The following PACRG variants were observed in gnomAD, a reference collection of about 807,000 sequenced individuals.
The protein encoded by PACRG is parkin coregulated gene protein.
PACRG carries 29 observed loss-of-function variants against 29.7 expected under a neutral mutation model. The observed-to-expected ratio is 0.98, with a 90% CI of 0.73 to 1.33. The LOEUF is 1.33. Among genes scored for constraint, PACRG ranks in the 40% most tolerant of loss-of-function variants. The pLI is 0.00. For missense variants in PACRG, 279 were observed against 316.2 expected, an observed-to-expected ratio of 0.88 and a Z score of 0.89; for synonymous variants, 116 against 118.7, an observed-to-expected ratio of 0.98 and a Z score of 0.15.
rs552574776 is a variant in PACRG, at chr6:162,870,703, A to G, written c.291+56422A>G. Among the ~76,000 whole-genome samples the G allele has an allele frequency of 5.3e-5, 8 of 152,324 alleles. No individual in the cohort carries two copies. In the East Asian group the frequency reaches 1.2e-3, roughly 22 times the overall value. On this transcript the variant is annotated intron_variant, in intron 2 of 4. Transcript: ENST00000366888. ...CTTCTAAATGTGCTCTGGTTTATCCATATATTATTGGAAATAAAGCCACCA... is the reference window on the plus strand; with the variant it reads ...CTTCTAAATGTGCTCTGGTTTATCCGTATATTATTGGAAATAAAGCCACCA...
At chr6:163,032,735 T>G (rs999172101) in intron 2 of PACRG, among the ~76,000 whole-genome samples, 1 of 152,242 alleles carries the variant, frequency 6.6e-6, no homozygotes, top group East Asian at 1.9e-4. Flanking sequence ...CAAATGTCAC[T>G]GTTGCATTAG....
intron 4 of PACRG, among the ~76,000 whole-genome samples, chr6:163,180,745 A>G (rs1237400016): frequency 2.0e-5 from 3 of 152,196 alleles, no homozygotes; most frequent in Admixed American, 6.5e-5. Context: ...AAACATGTAG[A>G]GGCCAAAAAG....
intron 1 of PACRG, among the ~76,000 whole-genome samples, chr6:162,731,840 A>G (rs1779794111): frequency 6.6e-6 from 1 of 152,182 alleles, no homozygotes; most frequent in African/African-American, 2.4e-5. Flanking sequence ...TGACCAAATA[A>G]CAATAGCTTA....
intron 2 of PACRG, among the ~76,000 whole-genome samples, chr6:162,873,408 T>G (rs1446128070): frequency 6.6e-6 from 1 of 152,212 alleles, no homozygotes; most frequent in African/African-American, 2.4e-5. Context: ...TTTCATTTAC[T>G]CAACACATAT....
At chr6:163,232,876 C>T (rs992354833) in intron 4 of PACRG, among the ~76,000 whole-genome samples, 2 of 152,170 alleles carry the variant, frequency 1.3e-5, no homozygotes, top group African/African-American at 4.8e-5. Flanking sequence ...CCCCTCCACC[C>T]CTCCTCCAGG....
intron 2 of PACRG, among the ~76,000 whole-genome samples, chr6:162,926,294 GA>G (rs1404758827): frequency 1.3e-5 from 2 of 151,508 alleles, no homozygotes; most frequent in African/African-American, 4.8e-5. Flanking sequence ...CAAAGTATTA[GA>G]AAAAAAACTA....
At chr6:163,158,739 T>C (rs567440179) in intron 4 of PACRG, among the ~76,000 whole-genome samples, 4 of 152,354 alleles carry the variant, frequency 2.6e-5, no homozygotes, top group African/African-American at 9.6e-5. Context: ...GAAATAATAT[T>C]GCACACTGAC....
chr6:163,139,970 C>G (rs1455045525), intron 4 of PACRG, among the ~76,000 whole-genome samples: 7 of 152,138 alleles, frequency 4.6e-5, no homozygotes, highest in African/African-American at 1.4e-4. Flanking sequence ...TTTGCCTATC[C>G]AAGTACTGTC....
chr6:162,745,436 C>T (rs942715730), intron 1 of PACRG, among the ~76,000 whole-genome samples: 6 of 152,046 alleles, frequency 3.9e-5, no homozygotes, highest in East Asian at 3.9e-4. Context: ...CTAATGCATA[C>T]GGGGCTTAAA....
rs376828813 is a variant in PACRG at position 162,814,207 on chromosome 6, C to G, written c.217C>G (p.Arg73Gly). 3 of 1,613,740 alleles carry G rather than the reference C, an allele frequency of 1.9e-6. No homozygotes were observed. The highest frequency in any genetic ancestry group is 2.2e-5 in the East Asian group (1 of 44,854). The part of the protein sequence containing the change: ...KERPTKPTAF[R>G]KFYERGDFPI... ...AAGACCAACCAAGCCCACAGCATTT[C>G]GAAAATTCTATGAGCGAGGTGACTT... The change falls in exon 2 of 5, where the codon CGA becomes GGA. Residue 73 changes from arginine to glycine, a missense_variant. Physicochemically the swap from Arg to Gly is moderately radical, Grantham distance 125. Coordinates refer to ENST00000366888, the MANE Select transcript of PACRG (RefSeq NM_001080379.2).
At chr6:163,306,746 T>G (rs538606895) in intron 4 of PACRG, among the ~76,000 whole-genome samples, 8 of 152,356 alleles carry the variant, frequency 5.3e-5, no homozygotes, top group Admixed American at 2.6e-4. Flanking sequence ...TGACTTACTT[T>G]GAAGAATTAC....
chr6:163,026,157 A>C (rs184341908), intron 2 of PACRG, among the ~76,000 whole-genome samples: 59 of 152,334 alleles, frequency 3.9e-4, no homozygotes, highest in African/African-American at 1.4e-3. Context: ...ACAGCCTTTT[A>C]TAAGAAATCA....
At chr6:162,926,657 A>C (rs573413534) in intron 2 of PACRG, among the ~76,000 whole-genome samples, 3 of 152,208 alleles carry the variant, frequency 2.0e-5, no homozygotes, top group Non-Finnish European at 4.4e-5. Flanking sequence ...AATTAACTCA[A>C]GATGGATTAA....
At chr6:163,195,179 G>A (rs999773376) in intron 4 of PACRG, among the ~76,000 whole-genome samples, 3 of 152,224 alleles carry the variant, frequency 2.0e-5, no homozygotes, top group African/African-American at 2.4e-5. Context: ...AGAAAGCATC[G>A]GGGATGCCTT....
At chr6:163,133,605 G>T (rs1036027125) in intron 4 of PACRG, among the ~76,000 whole-genome samples, 4 of 152,186 alleles carry the variant, frequency 2.6e-5, no homozygotes, top group African/African-American at 9.7e-5. Flanking sequence ...TGTCCACGGA[G>T]TCTGTGCCAC....
chr6:162,795,630 C>A (rs1183587817), intron 1 of PACRG, among the ~76,000 whole-genome samples: 3 of 151,774 alleles, frequency 2.0e-5, no homozygotes, highest in Non-Finnish European at 4.4e-5. Context: ...AAAAGAAAAA[C>A]CTAGTTGTAT....
intron 4 of PACRG, among the ~76,000 whole-genome samples, chr6:163,305,348 G>T (rs551107286): frequency 3.9e-5 from 6 of 152,164 alleles, no homozygotes; most frequent in South Asian, 2.1e-4. Flanking sequence ...TACTTGGAAG[G>T]TTCCTCCTTT....
At chr6:162,765,626 A>G (rs1232506089) in intron 1 of PACRG, among the ~76,000 whole-genome samples, 1 of 151,996 alleles carries the variant, frequency 6.6e-6, no homozygotes, top group Non-Finnish European at 1.5e-5. Context: ...TGTATTTTAG[A>G]TTTTTCTCTT....
intron 1 of PACRG, among the ~76,000 whole-genome samples, chr6:162,788,741 G>T (rs113326969): frequency 3.3e-5 from 5 of 152,120 alleles, no homozygotes; most frequent in African/African-American, 1.2e-4. Context: ...TTTTAAATTG[G>T]CATTTCTTTA....
Sources: allele counts gnomAD v4.1 joint callset (sites outside exome capture counted in the v4.1 genomes callset), GRCh38; gene constraint gnomAD v4.1.1; transcripts MANE v1.5; gene names NCBI Gene and HGNC (gene_info 2026-07-23, HGNC 2026-07-21).